CNTN3: variants seen among roughly 807,000 people sequenced by gnomAD.
CNTN3 encodes contactin-3.
In CNTN3, 60 loss-of-function variants were observed where a neutral mutation model predicts 119.1. The ratio of observed to expected loss-of-function variants is 0.50; its 90% confidence interval spans 0.41 to 0.62. The LOEUF (loss-of-function observed/expected upper bound fraction) is 0.62. CNTN3 is among the 20% of genes least tolerant of loss of function. The probability of loss-of-function intolerance (pLI) is 0.00; values close to 1 mark genes in which losing one functional copy is unlikely to be tolerated. For missense variants in CNTN3, 1,101 were observed against 1,242.4 expected (o/e 0.89, Z 1.71); for synonymous variants, 450 against 438.7 (o/e 1.03, Z -0.32).
intron 1 of CNTN3, among the ~76,000 whole-genome samples, chr3:74,535,633 T>C (rs1346843368): frequency 6.6e-6 from 1 of 152,094 alleles, no homozygotes; most frequent in Non-Finnish European, 1.5e-5. Context: ...GTCAATGCGA[T>C]ACAATGCGAG....
chr3:74,341,199 C>T (rs916961695), intron 11 of CNTN3, among the ~76,000 whole-genome samples: 1 of 152,172 alleles, frequency 6.6e-6, no homozygotes, highest in Admixed American at 6.5e-5. Flanking sequence ...GCCCACAGGG[C>T]ATTTGCACAA....
At chr3:74,453,339 A>G (rs1702198695) in intron 4 of CNTN3, among the ~76,000 whole-genome samples, 1 of 152,052 alleles carries the variant, frequency 6.6e-6, no homozygotes. Context: ...GGTAGTTTGT[A>G]TTTCTGTGGG....
chr3:74,264,023 T>A lies in CNTN3; in HGVS notation c.*378A>T, dbSNP rs1701622331. 6.4e-6 allele frequency: 1 copy of A among 155,332 alleles called. No homozygotes were observed. Among genetic ancestry groups the A allele is most frequent in the South Asian group, 2.1e-4 (1 of 4,848 alleles). The allele number at this position is 155,332 out of a possible 1,614,324, so 9.6% of individuals were successfully genotyped here. ...TTAAGTCTTCCAAATAATGCTATTATAATGGGAAAATAGCATTTGAATTAA... is the reference window on the plus strand; with the variant it reads ...TTAAGTCTTCCAAATAATGCTATTAAAATGGGAAAATAGCATTTGAATTAA... On this transcript the variant is annotated 3_prime_UTR_variant, in exon 23 of 23. Transcript: ENST00000263665.
At chr3:74,514,415 T>G (rs1277082298) in intron 2 of CNTN3, among the ~76,000 whole-genome samples, 1 of 152,162 alleles carries the variant, frequency 6.6e-6, no homozygotes, top group Non-Finnish European at 1.5e-5. Context: ...GTAGCCATTA[T>G]TAGTTGGTCT....
At chr3:74,582,336 G>C (rs1003195313) in intron 1 of CNTN3, among the ~76,000 whole-genome samples, 5 of 151,966 alleles carry the variant, frequency 3.3e-5, no homozygotes, top group African/African-American at 1.2e-4. Flanking sequence ...AACCCGGGAG[G>C]CAGAGGCTGC....
intron 8 of CNTN3, among the ~76,000 whole-genome samples, chr3:74,366,876 T>C (rs1704208095): frequency 6.9e-6 from 1 of 144,918 alleles, no homozygotes; most frequent in Admixed American, 7.0e-5. Flanking sequence ...CATTTTCTTC[T>C]TCTTTCAGGA....
intron 5 of CNTN3, among the ~76,000 whole-genome samples, chr3:74,396,961 A>G (rs1484280243): frequency 6.6e-6 from 1 of 152,192 alleles, no homozygotes; most frequent in African/African-American, 2.4e-5. Flanking sequence ...AACAGCAGAC[A>G]GCAGACTTTC....
rs935222174 is a variant in CNTN3 at position 74,614,489 on chromosome 3, G to C, written c.-179C>G. Among the ~76,000 whole-genome samples the C allele has an allele frequency of 1.4e-5, 2 of 146,108 alleles. No homozygotes were observed. The highest frequency in any genetic ancestry group is 3.0e-5 in the Non-Finnish European group (2 of 65,860). On this transcript the variant is annotated 5_prime_UTR_variant, in exon 1 of 23. Transcript: ENST00000263665. ...CACCGCCGCCGCCGCAGTTAGTCCG[G>C]GCCCGGGGGGCCGCCGTGCGCGCCC...
At chr3:74,479,485 T>C (rs1162211791) in intron 4 of CNTN3, among the ~76,000 whole-genome samples, 1 of 152,132 alleles carries the variant, frequency 6.6e-6, no homozygotes, top group East Asian at 1.9e-4. Context: ...TTCAACATTC[T>C]GAAAGAAAAA....
chr3:74,373,317 G>A (rs1401814989), intron 5 of CNTN3, among the ~76,000 whole-genome samples: 1 of 152,190 alleles, frequency 6.6e-6, no homozygotes, highest in Admixed American at 6.5e-5. Context: ...GCCCTTCAGG[G>A]TCTTCCTGCT....
At chr3:74,519,412 C>T (rs1703505387) in intron 2 of CNTN3, among the ~76,000 whole-genome samples, 1 of 151,684 alleles carries the variant, frequency 6.6e-6, no homozygotes, top group South Asian at 2.1e-4. Flanking sequence ...TGCTGAAACA[C>T]AATACAAATT....
At chr3:74,551,883 C>A (rs58547730) in intron 1 of CNTN3, among the ~76,000 whole-genome samples, 1,889 of 150,708 alleles carry the variant, frequency 0.013, 50 homozygotes, top group African/African-American at 0.044. Flanking sequence ...CCTGTCTCAG[C>A]CTCCTGGGTA....
At chr3:74,474,530 G>T (rs1410034481) in intron 4 of CNTN3, among the ~76,000 whole-genome samples, 2 of 152,052 alleles carry the variant, frequency 1.3e-5, no homozygotes, top group African/African-American at 4.8e-5. Context: ...GTCTCGCTCA[G>T]TCACTCAGGT....
chr3:74,369,427 G>T (rs1336959240), intron 7 of CNTN3, 54 bp from the exon 8 acceptor site: 1 of 1,405,504 alleles, frequency 7.1e-7, no homozygotes, highest in African/African-American at 1.5e-5. Flanking sequence ...TTTTCAACTT[G>T]AGAAAATAAA....
At chr3:74,551,754 CTTTTTTT>C (rs776621925) in intron 1 of CNTN3, among the ~76,000 whole-genome samples, 7 of 60,178 alleles carry the variant, frequency 1.2e-4, no homozygotes, top group African/African-American at 6.0e-4. Flanking sequence ...TCTTCTTCTT[CTTTTTTT>C]TTTTTTTTTT....
chr3:74,486,095 T>A (rs572355284), intron 4 of CNTN3, among the ~76,000 whole-genome samples: 1 of 43,690 alleles, frequency 2.3e-5, no homozygotes, highest in African/African-American at 6.0e-5. Flanking sequence ...TTCTTTCGCA[T>A]TTTTTTCCAC....
chr3:74,553,592 C>T (rs1704025521), intron 1 of CNTN3, among the ~76,000 whole-genome samples: 1 of 152,286 alleles, frequency 6.6e-6, no homozygotes, highest in South Asian at 2.1e-4. Context: ...ACCTCTCCAG[C>T]ATCTGTTGTT....
intron 11 of CNTN3, among the ~76,000 whole-genome samples, chr3:74,338,709 T>C (rs1703459353): frequency 6.6e-6 from 1 of 152,114 alleles, no homozygotes; most frequent in Non-Finnish European, 1.5e-5. Context: ...GGTACAGCTA[T>C]CTATTACGGT....
At chr3:74,379,829 TTTATTGACCTCCTTC>T (rs1326770741) in intron 5 of CNTN3, among the ~76,000 whole-genome samples, 1 of 152,254 alleles carries the variant, frequency 6.6e-6, no homozygotes, top group African/African-American at 2.4e-5. Context: ...TGGCAAGACA[TTTATTGACCTCCTTC>T]CTTTGGCAAG....
Sources: gnomAD v4.1 joint callset for allele counts (sites outside exome capture counted in the v4.1 genomes callset) on GRCh38, gnomAD v4.1.1 for gene constraint, MANE v1.5 for transcripts, NCBI Gene and HGNC (gene_info 2026-07-23, HGNC 2026-07-21) for gene names.